Variants in OPCML observed in about 807,000 individuals in gnomAD.
OPCML encodes opioid-binding protein/cell adhesion molecule.
A neutral mutation model predicts 37.8 loss-of-function variants in OPCML; 13 were observed. The ratio of observed to expected loss-of-function variants is 0.34; its 90% CI spans 0.22 to 0.55. The LOEUF (loss-of-function observed/expected upper bound fraction) is 0.55, where lower values mean the gene tolerates loss of function less well. OPCML is among the 20% of genes least tolerant of loss of function. The pLI is 0.91. For missense variants in OPCML, 341 were observed against 435.6 expected (o/e 0.78, Z 1.93); for synonymous variants, 176 against 168.8 (o/e 1.04, Z -0.33).
intron 2 of OPCML, among the ~76,000 whole-genome samples, chr11:132,910,037 C>A (rs1456734115): frequency 6.6e-6 from 1 of 152,116 alleles, no homozygotes; most frequent in Non-Finnish European, 1.5e-5. Flanking sequence ...AGGGAGTGAG[C>A]AAGGGAGAAA....
intron 1 of OPCML, among the ~76,000 whole-genome samples, chr11:133,249,728 G>A (rs995271800): frequency 3.9e-5 from 6 of 152,190 alleles, no homozygotes; most frequent in Non-Finnish European, 7.3e-5. Flanking sequence ...GATGTGATTC[G>A]AAGAAGACAG....
At chr11:133,421,061 A>G in intron 1 of OPCML, 1 of 985,292 alleles carries the variant, frequency 1.0e-6, no homozygotes, top group Non-Finnish European at 1.2e-6. Flanking sequence ...ATCAATAATC[A>G]GTAGATTATT....
intron 1 of OPCML, among the ~76,000 whole-genome samples, chr11:133,339,424 C>G (rs921870322): frequency 6.6e-6 from 1 of 152,208 alleles, no homozygotes; most frequent in East Asian, 1.9e-4. Flanking sequence ...CTTAGCCACT[C>G]ACCTCTCCAC....
At chr11:133,105,980 T>C (rs1015581232) in intron 1 of OPCML, among the ~76,000 whole-genome samples, 1 of 91,662 alleles carries the variant, frequency 1.1e-5, no homozygotes, top group African/African-American at 4.7e-5. Flanking sequence ...AGACTCCATC[T>C]TAAAAATAAA....
chr11:132,841,562 G>A (rs2136303518), intron 2 of OPCML, among the ~76,000 whole-genome samples: 1 of 152,234 alleles, frequency 6.6e-6, no homozygotes, highest in Admixed American at 6.5e-5. Context: ...GTTGAGGATA[G>A]GCAACACCCA....
intron 1 of OPCML, among the ~76,000 whole-genome samples, chr11:133,138,836 C>T (rs1372029004): frequency 1.3e-5 from 2 of 152,162 alleles, no homozygotes; most frequent in African/African-American, 2.4e-5. Flanking sequence ...ACATAATGAA[C>T]CTGCCTTTAC....
At chr11:132,700,819 A>T (rs1943779989) in intron 2 of OPCML, among the ~76,000 whole-genome samples, 1 of 152,138 alleles carries the variant, frequency 6.6e-6, no homozygotes, top group Non-Finnish European at 1.5e-5. Flanking sequence ...CAGCGTTGTT[A>T]AAGTGCATAT....
At chr11:132,916,101 A>G (rs1458349918) in intron 2 of OPCML, among the ~76,000 whole-genome samples, 7 of 152,162 alleles carry the variant, frequency 4.6e-5, no homozygotes, top group African/African-American at 1.7e-4. Context: ...ATTTATATTA[A>G]TATTCAGATC....
intron 1 of OPCML, among the ~76,000 whole-genome samples, chr11:133,424,796 A>G (rs1592284828): frequency 6.6e-6 from 1 of 152,246 alleles, no homozygotes; most frequent in East Asian, 1.9e-4. Flanking sequence ...GATAAGCTTA[A>G]TTAAACTTTG....
chr11:133,353,431 A>C (rs963677027), intron 1 of OPCML, among the ~76,000 whole-genome samples: 9 of 152,036 alleles, frequency 5.9e-5, no homozygotes, highest in African/African-American at 2.2e-4. Flanking sequence ...ATGTGCTTGG[A>C]TTACAGGCAT....
chr11:133,384,261 AAAAAG>A (rs372043005), intron 1 of OPCML, among the ~76,000 whole-genome samples: 43,499 of 105,216 alleles, frequency 0.41, 8,532 homozygotes, highest in South Asian at 0.53. Flanking sequence ...AAAAAAAAAA[AAAAAG>A]AAAAGAAAAG....
chr11:133,382,757 G>C (rs1021164940), intron 1 of OPCML, among the ~76,000 whole-genome samples: 1 of 152,116 alleles, frequency 6.6e-6, no homozygotes, highest in Non-Finnish European at 1.5e-5. Context: ...CCCACCGATC[G>C]ATGTTCTGTC....
chr11:133,453,614 G>A (rs889380160), intron 1 of OPCML, among the ~76,000 whole-genome samples: 18 of 152,226 alleles, frequency 1.2e-4, no homozygotes, highest in African/African-American at 3.9e-4. Context: ...GCTACCCTTG[G>A]GAAATCTGTG....
At chr11:133,191,906 G>C (rs924440185) in intron 1 of OPCML, among the ~76,000 whole-genome samples, 1 of 152,172 alleles carries the variant, frequency 6.6e-6, no homozygotes, top group African/African-American at 2.4e-5. Flanking sequence ...AATGGGCAAG[G>C]CTTTTGGTGA....
At chr11:133,405,895 G>A (rs1184937050) in intron 1 of OPCML, among the ~76,000 whole-genome samples, 1 of 152,148 alleles carries the variant, frequency 6.6e-6, no homozygotes, top group African/African-American at 2.4e-5. Flanking sequence ...TTGGCAGAAA[G>A]TGCAGTCCAG....
intron 1 of OPCML, among the ~76,000 whole-genome samples, chr11:133,471,248 G>C (rs1342323683): frequency 6.6e-6 from 1 of 152,212 alleles, no homozygotes; most frequent in Non-Finnish European, 1.5e-5. Flanking sequence ...GTCAGAACTT[G>C]AAAGGAAGAT....
intron 1 of OPCML, among the ~76,000 whole-genome samples, chr11:133,169,396 A>T (rs554674047): frequency 6.6e-6 from 1 of 152,228 alleles, no homozygotes; most frequent in African/African-American, 2.4e-5. Flanking sequence ...GCATGCACAG[A>T]TGAGAGAAAC....
chr11:132,589,586 G>T (rs2096480873), intron 3 of OPCML, among the ~76,000 whole-genome samples: 1 of 152,206 alleles, frequency 6.6e-6, no homozygotes, highest in South Asian at 2.1e-4. Flanking sequence ...GGTGATCAGA[G>T]AAGGCTCTCT....
chr11:133,402,583 A>C (rs1192894907), intron 1 of OPCML, among the ~76,000 whole-genome samples: 1 of 152,082 alleles, frequency 6.6e-6, no homozygotes, highest in Non-Finnish European at 1.5e-5. Context: ...ACCAAGAAAT[A>C]TTTTCCCATT....
Sources: gnomAD v4.1 joint callset for allele counts (sites outside exome capture counted in the v4.1 genomes callset) on GRCh38, gnomAD v4.1.1 for gene constraint, MANE v1.5 for transcripts, NCBI Gene and HGNC (gene_info 2026-07-23, HGNC 2026-07-21) for gene names.